CATSPERB: variants seen among roughly 807,000 people sequenced by gnomAD.
The protein encoded by CATSPERB is cation channel sperm-associated auxiliary subunit beta.
A neutral mutation model predicts 128.3 loss-of-function variants in CATSPERB; 93 were observed. The ratio of observed to expected loss-of-function variants is 0.72; its 90% confidence interval spans 0.61 to 0.86. CATSPERB has a LOEUF of 0.86. Among genes scored for constraint, CATSPERB ranks in the 40% least tolerant of loss-of-function variants. The probability of loss-of-function intolerance (pLI) is 0.00; values close to 1 mark genes in which losing one functional copy is unlikely to be tolerated. For synonymous variants in CATSPERB, 381 were observed against 448.8 expected (o/e 0.85, Z 1.91); for missense variants, 1,153 against 1,329.5 (o/e 0.87, Z 2.06).
At chr14:91,684,029 A>G in intron 10 of CATSPERB, 86 bp from the exon 11 acceptor site, 1 of 885,504 alleles carries the variant, frequency 1.1e-6, no homozygotes, top group South Asian at 1.8e-5. Context: ...AAAAAATTTC[A>G]AAGTTTGATA....
intron 26 of CATSPERB, among the ~76,000 whole-genome samples, chr14:91,582,925 G>C (rs535158279): frequency 1.3e-3 from 205 of 152,302 alleles, no homozygotes; most frequent in African/African-American, 4.7e-3. Flanking sequence ...AAGTGGGCAG[G>C]GTGCCTCCAG....
intron 4 of CATSPERB, among the ~76,000 whole-genome samples, chr14:91,722,632 C>T (rs1177058629): frequency 6.6e-5 from 10 of 151,990 alleles, no homozygotes; most frequent in Admixed American, 5.9e-4. Flanking sequence ...TAAGTGCACA[C>T]TTTAAATGAG....
intron 7 of CATSPERB, among the ~76,000 whole-genome samples, chr14:91,694,106 T>C (rs1895517203): frequency 1.1e-5 from 1 of 89,584 alleles, no homozygotes. Context: ...TGAACTGCCA[T>C]GCACATAAAT....
chr14:91,694,455 A>G (rs934734425), intron 7 of CATSPERB, among the ~76,000 whole-genome samples: 3 of 151,010 alleles, frequency 2.0e-5, no homozygotes, highest in Non-Finnish European at 4.4e-5. Context: ...AAAAAAAAAA[A>G]AAAAAAAAAA....
At chr14:91,672,757 T>G in intron 13 of CATSPERB, 110 bp downstream of exon 13, 1 of 843,220 alleles carries the variant, frequency 1.2e-6, no homozygotes, top group Non-Finnish European at 1.8e-6. Flanking sequence ...TATAGCCAAT[T>G]TTATAGGTTC....
At chr14:91,629,837 A>G (rs1466520958) in intron 17 of CATSPERB, among the ~76,000 whole-genome samples, 2 of 152,170 alleles carry the variant, frequency 1.3e-5, no homozygotes, top group Non-Finnish European at 2.9e-5. Flanking sequence ...CCAGAAGAGG[A>G]GAGAAATCAG....
At chr14:91,593,399 T>A (rs1385072980) in intron 22 of CATSPERB, among the ~76,000 whole-genome samples, 3 of 152,220 alleles carry the variant, frequency 2.0e-5, no homozygotes, top group African/African-American at 7.2e-5. Context: ...GGCTGTACCC[T>A]GCAAAGCCAC....
At chr14:91,628,721 C>T (rs35824979) in intron 17 of CATSPERB, among the ~76,000 whole-genome samples, 9,562 of 152,244 alleles carry the variant, frequency 0.063, 728 homozygotes, top group East Asian at 0.4. Flanking sequence ...TCAATTAAAC[C>T]TCTTTCCTTT....
chr14:91,673,873 C>T (rs1346030567), intron 12 of CATSPERB, among the ~76,000 whole-genome samples: 1 of 138,006 alleles, frequency 7.2e-6, no homozygotes, highest in Non-Finnish European at 1.6e-5. Flanking sequence ...CAGAGCGAGA[C>T]TCTGTCTCAA....
chr14:91,710,393 T>A (rs1413675416), intron 5 of CATSPERB: 2 of 151,978 alleles, frequency 1.3e-5, no homozygotes, highest in African/African-American at 4.8e-5. Context: ...AAATTCACCA[T>A]TTTTTTTCAT....
At chr14:91,593,984 T>C (rs1278882883) in intron 22 of CATSPERB, among the ~76,000 whole-genome samples, 3 of 152,206 alleles carry the variant, frequency 2.0e-5, no homozygotes, top group African/African-American at 7.2e-5. Context: ...TATCAGGAGT[T>C]TCCACTTTTG....
chr14:91,719,342 T>C, intron 5 of CATSPERB, 76 bp downstream of exon 5: 2 of 1,046,148 alleles, frequency 1.9e-6, no homozygotes, highest in Non-Finnish European at 2.8e-6. Context: ...ACTTTTAAGA[T>C]AATAAATTCT....
intron 22 of CATSPERB, among the ~76,000 whole-genome samples, chr14:91,597,781 G>T (rs1893533876): frequency 6.6e-6 from 1 of 152,116 alleles, no homozygotes; most frequent in Non-Finnish European, 1.5e-5. Context: ...GGCTTTAATT[G>T]CTGTCAGTGT....
chr14:91,658,685 C>A (rs995558484), intron 15 of CATSPERB, among the ~76,000 whole-genome samples: 11 of 109,830 alleles, frequency 1.0e-4, no homozygotes, highest in Non-Finnish European at 1.9e-4. Context: ...TATGTACCCA[C>A]AAAAATTAAG....
At chr14:91,648,674 C>T (rs1237633930) in intron 15 of CATSPERB, among the ~76,000 whole-genome samples, 1 of 152,110 alleles carries the variant, frequency 6.6e-6, no homozygotes, top group African/African-American at 2.4e-5. Flanking sequence ...TACTTTCAGC[C>T]TAAAATTCCT....
chr14:91,669,059 G>C (rs552420128), intron 14 of CATSPERB, among the ~76,000 whole-genome samples: 1 of 152,040 alleles, frequency 6.6e-6, no homozygotes, highest in Non-Finnish European at 1.5e-5. Flanking sequence ...ACCCCGTCTC[G>C]GACAGTTCTT....
chr14:91,719,585 A>G, intron 4 of CATSPERB, 107 bp from the exon 5 acceptor site: 1 of 734,334 alleles, frequency 1.4e-6, no homozygotes, highest in Non-Finnish European at 2.2e-6. Flanking sequence ...CATCCAATGC[A>G]TATACCTTTT....
rs935139545 is a variant in CATSPERB, at chr14:91,708,016, A to G, written c.466+125T>C. 1.0e-5 allele frequency: 7 copies of G among 678,556 alleles called. No homozygotes were observed. In the Admixed American group the frequency reaches 1.9e-4, roughly 19 times the overall value. 42.0% of individuals were successfully genotyped at this position (678,556 alleles called of 1,614,324 possible). On this transcript the variant is annotated intron_variant, in intron 6 of 26. Coordinates refer to ENST00000256343, the MANE Select transcript of CATSPERB (RefSeq NM_024764.4). ...TGTGAGTGCCTCAAGGGTCATGATT[A>G]TCTCCTATTTATTTATTTATTTTTA...
At chr14:91,729,347 C>A in intron 2 of CATSPERB, 54 bp downstream of exon 2, 2 of 756,912 alleles carry the variant, frequency 2.6e-6, no homozygotes, top group East Asian at 2.8e-5. Context: ...AAGGAAGAGA[C>A]ACAAATAAGA....
Sources: allele counts gnomAD v4.1 joint callset (sites outside exome capture counted in the v4.1 genomes callset), GRCh38; gene constraint gnomAD v4.1.1; transcripts MANE v1.5; gene names NCBI Gene and HGNC (gene_info 2026-07-23, HGNC 2026-07-21).